GAS2: variants seen among roughly 807,000 people sequenced by gnomAD.
GAS2 encodes the protein growth arrest specific 2.
In GAS2, 20 loss-of-function variants were observed where a neutral mutation model predicts 37.5. That is an observed-to-expected ratio of 0.53 (90% CI 0.37 to 0.77). GAS2 has a LOEUF of 0.77. GAS2 is among the 30% of genes least tolerant of loss of function. The pLI is 0.00. For missense variants in GAS2, 336 were observed against 373.4 expected, an observed-to-expected ratio of 0.90 and a Z score of 0.82; for synonymous variants, 144 against 132.2, an observed-to-expected ratio of 1.09 and a Z score of -0.61.
upstream of GAS2, among the ~76,000 whole-genome samples, chr11:22,662,506 G>A (rs394734): frequency 0.96 from 145,812 of 152,252 alleles, 70,176 homozygotes; most frequent in East Asian, 1. Context: ...TGCCAGAGAT[G>A]TAGTGGTGGA....
At chr11:22,750,738 T>A (rs145351479) in intron 6 of GAS2, among the ~76,000 whole-genome samples, 2,100 of 152,168 alleles carry the variant, frequency 0.014, 57 homozygotes, top group African/African-American at 0.048. Context: ...ATACTTTTTT[T>A]ATTAGACTTA....
rs372425695 is a variant in GAS2 at position 22,717,342 on chromosome 11, A to G, written c.268-8950A>G. Among the ~76,000 whole-genome samples the G allele has an allele frequency of 1.4e-3, 210 of 152,296 alleles. 1 individual carries two copies. The highest frequency in any genetic ancestry group is 4.8e-3 in the African/African-American group (201 of 41,568). ...AAATATATAACCCATAAATAAAGCC[A>G]AATACTTACAGCCAGCTGATCTTCA... On this transcript the variant is annotated intron_variant, in intron 3 of 7. Transcript: ENST00000454584.
Position 22,653,769 on chromosome 11 carries a change from A to G in GAS2, c.-20-21081A>G, listed in dbSNP as rs1360793540. Among the ~76,000 whole-genome samples, 4 of 152,320 alleles carry G rather than the reference A, an allele frequency of 2.6e-5. No homozygotes were observed. The South Asian group carries it at 6.2e-4, about 24-fold the overall frequency. On this transcript the variant is annotated intron_variant, in intron 1 of 5. Coordinates refer to the GAS2 transcript ENST00000528582. ...TTAAACGTGGCTTCAGAATTATTTG[A>G]CACTCCTTGTCTGGAGAGAATGGAC...
chr11:22,700,051 C>A (rs1022351408), intron 3 of GAS2, among the ~76,000 whole-genome samples: 6 of 152,072 alleles, frequency 3.9e-5, no homozygotes, highest in African/African-American at 1.4e-4. Flanking sequence ...GTAGATCTGG[C>A]CTCTTTCTTA....
intron 2 of GAS2, among the ~76,000 whole-genome samples, chr11:22,678,432 C>T (rs984941593): frequency 2.6e-5 from 4 of 151,898 alleles, no homozygotes; most frequent in African/African-American, 9.7e-5. Flanking sequence ...AGCTCTTTTT[C>T]AAGTCTTGCT....
chr11:22,754,567 C>A (rs375322929), intron 6 of GAS2, among the ~76,000 whole-genome samples: 25 of 151,696 alleles, frequency 1.6e-4, no homozygotes, highest in African/African-American at 5.6e-4. Context: ...ATTGTACATG[C>A]GATAAATTTA....
chr11:22,768,841 CA>C (rs1854829345), intron 7 of GAS2, among the ~76,000 whole-genome samples: 1 of 152,144 alleles, frequency 6.6e-6, no homozygotes, highest in Admixed American at 6.5e-5. Context: ...AGATAAAAGG[CA>C]GGCCTGATTT....
intron 1 of GAS2, among the ~76,000 whole-genome samples, chr11:22,630,583 A>G (rs984994353): frequency 1.3e-5 from 2 of 152,140 alleles, no homozygotes; most frequent in African/African-American, 2.4e-5. Context: ...AGAATCTACA[A>G]AGAACTCCCC....
chr11:22,659,658 A>T (rs1848893972), intron 1 of GAS2, among the ~76,000 whole-genome samples: 1 of 152,118 alleles, frequency 6.6e-6, no homozygotes, highest in Non-Finnish European at 1.5e-5. Context: ...GAATTAGGAT[A>T]CCTGACAGAA....
At chr11:22,767,710 G>A (rs1486365811) in intron 7 of GAS2, among the ~76,000 whole-genome samples, 1 of 152,152 alleles carries the variant, frequency 6.6e-6, no homozygotes, top group Admixed American at 6.5e-5. Context: ...TGCATAAATA[G>A]GATGTAGCTG....
At chr11:22,700,721 A>T (rs542641174) in intron 3 of GAS2, among the ~76,000 whole-genome samples, 2 of 152,300 alleles carry the variant, frequency 1.3e-5, no homozygotes, top group East Asian at 3.9e-4. Context: ...CAGTTTGAGG[A>T]TTTCTTTTCA....
chr11:22,767,238 A>G (rs1188906596), intron 7 of GAS2, among the ~76,000 whole-genome samples: 1 of 152,136 alleles, frequency 6.6e-6, no homozygotes. Flanking sequence ...GAAATTTAGT[A>G]ATTTTCCTAA....
At chr11:22,675,541 G>A (rs1344279145) in intron 2 of GAS2, among the ~76,000 whole-genome samples, 5 of 152,040 alleles carry the variant, frequency 3.3e-5, no homozygotes, top group Non-Finnish European at 7.4e-5. Context: ...TGTTTTTAAG[G>A]TCTAGTCTAA....
intron 3 of GAS2, among the ~76,000 whole-genome samples, chr11:22,703,786 T>C (rs973093745): frequency 6.6e-6 from 1 of 152,160 alleles, no homozygotes; most frequent in African/African-American, 2.4e-5. Context: ...ATGGCTTCTA[T>C]TGTTTGACTT....
chr11:22,654,757 G>A (rs1848836854), intron 1 of GAS2, among the ~76,000 whole-genome samples: 1 of 152,034 alleles, frequency 6.6e-6, no homozygotes, highest in Non-Finnish European at 1.5e-5. Flanking sequence ...AATGAATAAT[G>A]AATAATATAA....
intron 1 of GAS2, among the ~76,000 whole-genome samples, chr11:22,655,344 T>C (rs1215800522): frequency 1.3e-5 from 2 of 152,270 alleles, no homozygotes; most frequent in African/African-American, 4.8e-5. Flanking sequence ...CCTTCGCCAA[T>C]AGAAAATTCT....
At chr11:22,690,185 G>A (rs1026712884) in intron 3 of GAS2, among the ~76,000 whole-genome samples, 4 of 152,122 alleles carry the variant, frequency 2.6e-5, no homozygotes, top group Non-Finnish European at 1.5e-5. Flanking sequence ...AAGTATGTCT[G>A]TATTAAGGAT....
intron 7 of GAS2, among the ~76,000 whole-genome samples, chr11:22,768,792 G>A (rs1012169218): frequency 6.6e-6 from 1 of 152,150 alleles, no homozygotes; most frequent in Admixed American, 6.6e-5. Flanking sequence ...GGGGAATGCA[G>A]AGAAAATGAA....
chr11:22,687,681 G>A (rs184609), intron 3 of GAS2, among the ~76,000 whole-genome samples: 151,038 of 152,298 alleles, frequency 0.99, 74,903 homozygotes, highest in Middle Eastern at 1. Context: ...TAATGTTAGG[G>A]CACCAATTTT....
Sources: allele counts gnomAD v4.1 joint callset (sites outside exome capture counted in the v4.1 genomes callset), GRCh38; gene constraint gnomAD v4.1.1; transcripts MANE v1.5; gene names NCBI Gene and HGNC (gene_info 2026-07-23, HGNC 2026-07-21).